PCDHGB1: variants seen among roughly 807,000 people sequenced by gnomAD.
PCDHGB1 encodes protocadherin gamma-B1.
A neutral mutation model predicts 56.6 loss-of-function variants in PCDHGB1; 34 were observed. That is an observed-to-expected ratio of 0.60 (90% CI 0.46 to 0.80). The LOEUF is 0.80. Among genes scored for constraint, PCDHGB1 ranks in the 30% least tolerant of loss-of-function variants. The pLI, the probability that PCDHGB1 is intolerant of heterozygous loss-of-function variation, is 0.00. For missense variants in PCDHGB1, 1,278 were observed against 1,204.6 expected (o/e 1.06, Z -0.90); for synonymous variants, 561 against 505.9 (o/e 1.11, Z -1.46).
At chr5:141,394,739 C>G (rs377359689) in intron 1 of PCDHGB1, 1 of 1,613,390 alleles carries the variant, frequency 6.2e-7, no homozygotes, top group Non-Finnish European at 8.5e-7. Context: ...AGCAGAGCCT[C>G]GTGGTGGCCG....
intron 1 of PCDHGB1, chr5:141,478,247 G>A (rs1377698933): frequency 1.2e-6 from 2 of 1,614,074 alleles, no homozygotes; most frequent in Admixed American, 3.3e-5. Context: ...CACAGTGTTC[G>A]GAGTAATCAT....
intron 1 of PCDHGB1, chr5:141,399,663 G>A: frequency 6.2e-7 from 1 of 1,613,624 alleles, no homozygotes; most frequent in Non-Finnish European, 8.5e-7. Flanking sequence ...TGGTGTTCGC[G>A]CAGCGCGCCT....
In PCDHGB1 at chr5:141,351,777, A is replaced by G; in HGVS notation, c.1517A>G (p.Gln506Arg). ...TTGTCCTACGTGTCCGTGAGCCCGC[A>G]GAGCGGGGTGGTGTTCGCGCAGCGC... ...ELLSYVSVSP[Q>R]SGVVFAQRAF... Residue 506 changes from glutamine (Q) to arginine (R), a missense_variant, in exon 1 of 4, where the codon CAG (glutamine) becomes CGG (arginine). By Grantham distance (43) the Gln-to-Arg change is conservative (BLOSUM62 1). Transcript: ENST00000523390. The G allele has an allele frequency of 6.2e-7, 1 of 1,613,470 alleles. No homozygotes were observed. Among genetic ancestry groups the G allele is most frequent in the East Asian group, 2.2e-5 (1 of 44,878 alleles).
chr5:141,387,336 C>T (rs1351788377), intron 1 of PCDHGB1, among the ~76,000 whole-genome samples: 4 of 152,122 alleles, frequency 2.6e-5, no homozygotes, highest in African/African-American at 7.2e-5. Flanking sequence ...AATTACTGTA[C>T]TCTGAGACGG....
intron 1 of PCDHGB1, chr5:141,361,554 A>T (rs199916536): frequency 6.2e-7 from 1 of 1,614,062 alleles, no homozygotes; most frequent in Non-Finnish European, 8.5e-7. Context: ...CTATCGCTCA[A>T]ATCAGTGCCT....
intron 1 of PCDHGB1, chr5:141,364,591 G>C (rs754833725): frequency 3.7e-6 from 6 of 1,614,076 alleles, no homozygotes; most frequent in Non-Finnish European, 3.4e-6. Context: ...TGGTCACCGC[G>C]GGCAGGATAG....
At chr5:141,360,478 A>G in intron 1 of PCDHGB1, 1 of 1,613,910 alleles carries the variant, frequency 6.2e-7, no homozygotes, top group Non-Finnish European at 8.5e-7. Flanking sequence ...AAATCCACTA[A>G]ATATTTTCTA....
At chr5:141,361,906 G>T in intron 1 of PCDHGB1, 3 of 1,609,144 alleles carry the variant, frequency 1.9e-6, no homozygotes, top group Non-Finnish European at 2.5e-6. Flanking sequence ...GGTGACCAAG[G>T]TGGTGGCGGT....
chr5:141,404,159 A>C, intron 1 of PCDHGB1: 1 of 1,613,114 alleles, frequency 6.2e-7, no homozygotes, highest in South Asian at 1.1e-5. Flanking sequence ...AGATTATTAC[A>C]GATTGTTGAC....
intron 1 of PCDHGB1, among the ~76,000 whole-genome samples, chr5:141,359,079 T>G (rs1279133095): frequency 1.3e-5 from 2 of 151,956 alleles, no homozygotes; most frequent in African/African-American, 4.8e-5. Context: ...CAAAGGAGAG[T>G]TTTAGTTTCT....
At position 141,490,785 on chromosome 5, in the gene PCDHGB1, G is replaced by A. The variant is rs1021708826; in HGVS notation, c.2410-4022G>A. 1.2e-6 allele frequency: 2 copies of A among 1,614,066 alleles called. No individual in the cohort carries two copies. Among genetic ancestry groups the A allele is most frequent in the Non-Finnish European group, 1.7e-6 (2 of 1,179,952 alleles). On this transcript the variant is annotated intron_variant, in intron 1 of 3. Coordinates refer to ENST00000523390, the MANE Select transcript of PCDHGB1 (RefSeq NM_018922.3). The surrounding 1 kb of genome is among the most constrained non-coding windows in gnomAD (Gnocchi z 5.4). ...TGTATGTCAACCCAGAGGATGGACG[G>A]ATCTTTGCCCAGCGTACCTTTGACT...
chr5:141,383,272 G>C (rs369691483), intron 1 of PCDHGB1: 1 of 1,613,802 alleles, frequency 6.2e-7, no homozygotes, highest in Non-Finnish European at 8.5e-7. Flanking sequence ...GGAAATAATA[G>C]ATATTAATGA....
In PCDHGB1 at chr5:141,481,831, G is replaced by A. The variant is rs35816779; in HGVS notation, c.2410-12976G>A. On this transcript the variant is annotated intron_variant, in intron 1 of 3. Coordinates refer to ENST00000523390, the MANE Select transcript of PCDHGB1 (RefSeq NM_018922.3). ...ACCAGGCGTGGTGGCTGAGGCAGGAGAATCGCTTGATGGTGGAGGTTGCAG... is the reference window on the plus strand; with the variant it reads ...ACCAGGCGTGGTGGCTGAGGCAGGAAAATCGCTTGATGGTGGAGGTTGCAG... Among the ~76,000 whole-genome samples the A allele has an allele frequency of 1.9e-3, 280 of 149,560 alleles. 1 individual carries two copies. The highest frequency in any genetic ancestry group is 0.01 in the Middle Eastern group (3 of 290).
At chr5:141,430,811 A>T in intron 1 of PCDHGB1, 1 of 1,527,400 alleles carries the variant, frequency 6.5e-7, no homozygotes, top group Non-Finnish European at 8.8e-7. Context: ...CCTGCTGGGA[A>T]TCCTCCTGGG....
At chr5:141,378,443 A>C (rs1022226439) in intron 1 of PCDHGB1, 2 of 152,300 alleles carry the variant, frequency 1.3e-5, no homozygotes, top group Non-Finnish European at 2.9e-5. Context: ...GAATCGCTTG[A>C]ACCCATGAGG....
At chr5:141,451,526 G>T (rs896029145) in intron 1 of PCDHGB1, among the ~76,000 whole-genome samples, 1 of 152,168 alleles carries the variant, frequency 6.6e-6, no homozygotes, top group African/African-American at 2.4e-5. Flanking sequence ...GCAAGTAAAG[G>T]AGAGTGCCAG....
intron 1 of PCDHGB1, chr5:141,390,232 C>A: frequency 6.2e-7 from 1 of 1,614,020 alleles, no homozygotes. Context: ...GGTGATTCAT[C>A]TGGGGCCTTA....
chr5:141,364,652 A>G, intron 1 of PCDHGB1: 1 of 1,614,056 alleles, frequency 6.2e-7, no homozygotes, highest in Non-Finnish European at 8.5e-7. Context: ...GAACTTTAAC[A>G]TCTTGGTTGA....
chr5:141,457,466 A>C (rs1404739941), intron 1 of PCDHGB1, among the ~76,000 whole-genome samples: 1 of 152,356 alleles, frequency 6.6e-6, no homozygotes, highest in East Asian at 1.9e-4. Context: ...ATTCACAGGA[A>C]TAAGCAGGGC....
Sources: allele counts gnomAD v4.1 joint callset (sites outside exome capture counted in the v4.1 genomes callset), GRCh38; gene constraint gnomAD v4.1.1; non-coding constraint Gnocchi (gnomAD v3.1); transcripts MANE v1.5; gene names NCBI Gene and HGNC (gene_info 2026-07-23, HGNC 2026-07-21).